Variants in GSE1 observed in about 807,000 individuals in gnomAD.
GSE1 encodes the protein Gse1 coiled-coil protein.
GSE1 carries 32 observed loss-of-function variants against 112.6 expected under a neutral mutation model. That is an observed-to-expected ratio of 0.28 (90% CI 0.21 to 0.38). The LOEUF (loss-of-function observed/expected upper bound fraction) is 0.38, where lower values mean the gene tolerates loss of function less well. Ranked by LOEUF, GSE1 falls within the 10% of genes least tolerant of loss-of-function variation. The pLI is 1.00. For synonymous variants in GSE1, 1,115 were observed against 735.6 expected (o/e 1.52, Z -8.35); for missense variants, 2,348 against 1,699.2 (o/e 1.38, Z -6.71).
intron 1 of GSE1, among the ~76,000 whole-genome samples, chr16:85,239,833 A>T (rs1264145662): frequency 6.6e-6 from 1 of 152,256 alleles, no homozygotes; most frequent in Non-Finnish European, 1.5e-5. Flanking sequence ...CTGAAATCCG[A>T]TACTGAAATC....
At chr16:85,339,033 C>A (rs1298184828) in intron 1 of GSE1, among the ~76,000 whole-genome samples, 7 of 152,030 alleles carry the variant, frequency 4.6e-5, no homozygotes, top group Non-Finnish European at 2.9e-5. Flanking sequence ...CATGTTACCA[C>A]CCCCCACCGC....
intron 2 of GSE1, among the ~76,000 whole-genome samples, chr16:85,426,706 A>G (rs113988720): frequency 1.8e-4 from 25 of 137,158 alleles, no homozygotes; most frequent in East Asian, 6.6e-4. Context: ...GGGTGGGTGG[A>G]TGGATGGATG....
At chr16:85,480,354 GC>G (rs768792814) in intron 2 of GSE1, among the ~76,000 whole-genome samples, 7 of 152,176 alleles carry the variant, frequency 4.6e-5, no homozygotes, top group Non-Finnish European at 1.0e-4. Context: ...TCTGCATCTC[GC>G]TTGCTTCCTG....
chr16:85,357,367 CG>C, intron 1 of GSE1: 1 of 794,054 alleles, frequency 1.3e-6, no homozygotes, highest in Non-Finnish European at 1.7e-6. Flanking sequence ...AGGCCATCGT[CG>C]GGGAGGAATG....
intron 2 of GSE1, among the ~76,000 whole-genome samples, chr16:85,640,753 G>C (rs527796098): frequency 6.6e-6 from 1 of 152,264 alleles, no homozygotes; most frequent in African/African-American, 2.4e-5. Context: ...AAACAAACAC[G>C]GAGGAAGGAT....
intron 2 of GSE1, among the ~76,000 whole-genome samples, chr16:85,426,316 T>G (rs1451536739): frequency 2.1e-4 from 13 of 62,620 alleles, no homozygotes; most frequent in African/African-American, 3.5e-4. Flanking sequence ...GAAGGAAGGG[T>G]GGGTGGGTAG....
intron 1 of GSE1, among the ~76,000 whole-genome samples, chr16:85,281,611 T>C (rs1169117205): frequency 6.6e-6 from 1 of 152,316 alleles, no homozygotes; most frequent in Admixed American, 6.5e-5. Context: ...AAAAACGATA[T>C]GCAATGCTCC....
chr16:85,594,902 C>G (rs1027553620), intron 1 of GSE1: 1 of 152,476 alleles, frequency 6.6e-6, no homozygotes, highest in African/African-American at 2.4e-5. Flanking sequence ...GCTGAACATG[C>G]TGAAGGAAGA....
intron 6 of GSE1, 106 bp downstream of exon 6, chr16:85,656,023 G>T: frequency 2.3e-6 from 2 of 870,256 alleles, no homozygotes; most frequent in South Asian, 3.4e-5. Flanking sequence ...GGCCATGCCT[G>T]TCCTCACAGT....
chr16:85,539,543 G>A (rs1450230715), intron 2 of GSE1, among the ~76,000 whole-genome samples: 1 of 152,172 alleles, frequency 6.6e-6, no homozygotes, highest in African/African-American at 2.4e-5. Flanking sequence ...AAATTATAAC[G>A]GTGGGGGGTG....
At chr16:85,196,017 C>T (rs1228000717) in intron 1 of GSE1, among the ~76,000 whole-genome samples, 1 of 152,186 alleles carries the variant, frequency 6.6e-6, no homozygotes, top group African/African-American at 2.4e-5. Flanking sequence ...TCGGGGGCAG[C>T]ACCCGATAAC....
In GSE1 at chr16:85,328,523, C is replaced by T. The variant is rs568261991; in HGVS notation, c.2284-28940C>T. Among the ~76,000 whole-genome samples the T allele has an allele frequency of 4.8e-4, 73 of 152,346 alleles. 1 individual carries two copies. The highest frequency in any genetic ancestry group is 7.8e-4 in the Non-Finnish European group (53 of 68,020). On this transcript the variant is annotated intron_variant, in intron 1 of 2. Transcript: ENST00000637419. ...GCTCTCAGCCGACTGGCGGGCTATT[C>T]AACTGCAGCACAAAATGGGGTGGGA...
Position 85,663,467 on chromosome 16 carries a change from C to A in GSE1, c.2497C>A (p.Gln833Lys), listed in dbSNP as rs943403791. The change falls in exon 11 of 16, where the codon CAG becomes AAG. Residue 833 changes from glutamine (Q) to lysine (K), a missense_variant. Coordinates refer to ENST00000253458, the MANE Select transcript of GSE1 (RefSeq NM_014615.5). ...GAGAAGCCCGTCGCCCCCAACAATT[C>A]AGAGCAAGCGGCAGACGCCTTCACC... The part of the protein sequence containing the change: ...RERSPSPPTI[Q>K]SKRQTPSPRL... The A allele has an allele frequency of 6.8e-6, 11 of 1,613,834 alleles. No individual in the cohort carries two copies. The highest frequency in any genetic ancestry group is 9.3e-6 in the Non-Finnish European group (11 of 1,180,040).
At chr16:85,635,746 T>A (rs978777420) in intron 2 of GSE1, among the ~76,000 whole-genome samples, 1 of 152,216 alleles carries the variant, frequency 6.6e-6, no homozygotes, top group Non-Finnish European at 1.5e-5. Context: ...GGCTGGGTTA[T>A]CCTTGCATCC....
At chr16:85,400,928 T>A (rs12446387) in intron 2 of GSE1, among the ~76,000 whole-genome samples, 95,105 of 151,990 alleles carry the variant, frequency 0.63, 32,130 homozygotes, top group East Asian at 0.87. Flanking sequence ...GAAGGGGTCA[T>A]AATGGAGACC....
chr16:85,513,441 A>G (rs1035217868), intron 2 of GSE1, among the ~76,000 whole-genome samples: 1 of 152,116 alleles, frequency 6.6e-6, no homozygotes, highest in African/African-American at 2.4e-5. Flanking sequence ...AACAGTGCCT[A>G]GAAGCACTAG....
intron 1 of GSE1, among the ~76,000 whole-genome samples, chr16:85,604,697 A>G (rs577690383): frequency 2.1e-3 from 197 of 92,902 alleles, no homozygotes; most frequent in African/African-American, 8.0e-3. Context: ...GTGAGCTATG[A>G]TCGCACTACC....
intron 2 of GSE1, among the ~76,000 whole-genome samples, chr16:85,647,912 C>T (rs1247282042): frequency 6.6e-6 from 1 of 152,144 alleles, no homozygotes; most frequent in East Asian, 1.9e-4. Flanking sequence ...GTGTTTGTTC[C>T]CTGCTGCACT....
At chr16:85,291,266 G>T (rs1434284205) in intron 1 of GSE1, among the ~76,000 whole-genome samples, 1 of 152,184 alleles carries the variant, frequency 6.6e-6, no homozygotes, top group Non-Finnish European at 1.5e-5. Flanking sequence ...GCTTGAGTAG[G>T]AGCCAGGCGT....
Sources: allele counts gnomAD v4.1 joint callset (sites outside exome capture counted in the v4.1 genomes callset), GRCh38; gene constraint gnomAD v4.1.1; transcripts MANE v1.5; gene names NCBI Gene and HGNC (gene_info 2026-07-23, HGNC 2026-07-21).